The following MEIS1 variants were observed in gnomAD, a reference collection of about 807,000 sequenced individuals.
MEIS1 encodes homeobox protein Meis1.
In MEIS1, 5 loss-of-function variants were observed where a neutral mutation model predicts 50.8. The ratio of observed to expected loss-of-function variants is 0.10; its 90% CI spans 0.05 to 0.21. The LOEUF is 0.21. Ranked by LOEUF, MEIS1 falls within the 10% of genes least tolerant of loss-of-function variation. The probability of loss-of-function intolerance (pLI) is 1.00; values close to 1 mark genes in which losing one functional copy is unlikely to be tolerated. For synonymous variants in MEIS1, 176 were observed against 179.3 expected (o/e 0.98, Z 0.15); for missense variants, 318 against 517.3 (o/e 0.61, Z 3.74).
At chr2:66,440,676 T>A in intron 4 of MEIS1, 64 bp downstream of exon 4, 2 of 939,460 alleles carry the variant, frequency 2.1e-6, no homozygotes, top group Non-Finnish European at 2.9e-6. Context: ...TCCAACGCCC[T>A]CAGCTTTGCT....
intron 6 of MEIS1, among the ~76,000 whole-genome samples, chr2:66,455,974 G>A (rs553005597): frequency 1.3e-5 from 2 of 152,234 alleles, no homozygotes; most frequent in African/African-American, 4.8e-5. Flanking sequence ...GAAGCTTGAA[G>A]AATCACCTGG....
intron 8 of MEIS1, among the ~76,000 whole-genome samples, chr2:66,527,621 T>C (rs894660256): frequency 2.7e-5 from 4 of 149,970 alleles, no homozygotes; most frequent in African/African-American, 7.3e-5. Flanking sequence ...TGTGTGTGTG[T>C]GTGTGTGTGT....
intron 9 of MEIS1, among the ~76,000 whole-genome samples, chr2:66,557,648 G>A (rs1171562971): frequency 6.6e-6 from 1 of 152,164 alleles, no homozygotes; most frequent in Non-Finnish European, 1.5e-5. Flanking sequence ...ATGTTCCATT[G>A]TATGGATATA....
Position 66,561,707 on chromosome 2 carries a change from T to A in MEIS1, c.966-5746T>A, listed in dbSNP as rs1346576602. Among the ~76,000 whole-genome samples the A allele has an allele frequency of 6.6e-5, 10 of 152,238 alleles. 1 individual carries two copies. The highest frequency in any genetic ancestry group is 2.2e-4 in the African/African-American group (9 of 41,462). On this transcript the variant is annotated intron_variant, in intron 9 of 12. Transcript: ENST00000272369. ...ACAAAATCTTTTCTTAATAGTTGAT[T>A]AGCTTCTTAGGTACTTGCAGATGTT...
chr2:66,495,202 C>A (rs1395418298), intron 7 of MEIS1, among the ~76,000 whole-genome samples: 1 of 147,210 alleles, frequency 6.8e-6, no homozygotes, highest in Non-Finnish European at 1.5e-5. Flanking sequence ...AAACTAGTCA[C>A]ATTTCATACT....
At chr2:66,441,232 T>A (rs894067568) in intron 4 of MEIS1, among the ~76,000 whole-genome samples, 182 bp from the exon 5 acceptor site, 3 of 152,016 alleles carry the variant, frequency 2.0e-5, no homozygotes, top group Admixed American at 6.5e-5. Flanking sequence ...GTTTTTTTTT[T>A]CTTAAGAAAT....
At chr2:66,516,744 G>A (rs771070959) in intron 8 of MEIS1, among the ~76,000 whole-genome samples, 15 of 152,098 alleles carry the variant, frequency 9.9e-5, no homozygotes, top group Non-Finnish European at 2.9e-5. Flanking sequence ...AGTGCCCTGC[G>A]GGTCCGCCAC....
At chr2:66,491,616 TG>T (rs1465716598) in intron 7 of MEIS1, among the ~76,000 whole-genome samples, 1 of 152,144 alleles carries the variant, frequency 6.6e-6, no homozygotes, top group East Asian at 1.9e-4. Context: ...CTAAAACAAG[TG>T]GGTCTGTTTT....
At chr2:66,472,104 A>G (rs1229288093) in intron 7 of MEIS1, among the ~76,000 whole-genome samples, 5 of 152,158 alleles carry the variant, frequency 3.3e-5, no homozygotes. Context: ...ATAAGCAATA[A>G]CTTGTTTTTC....
intron 9 of MEIS1, among the ~76,000 whole-genome samples, chr2:66,558,265 G>C (rs1675119917): frequency 1.4e-5 from 1 of 71,760 alleles, no homozygotes; most frequent in Non-Finnish European, 2.5e-5. Context: ...GGCAACAAGA[G>C]TGAAACTCCA....
intron 8 of MEIS1, among the ~76,000 whole-genome samples, chr2:66,521,340 C>T (rs1674115017): frequency 6.7e-6 from 1 of 148,454 alleles, no homozygotes; most frequent in African/African-American, 2.5e-5. Context: ...CCTTCTAACA[C>T]AGAATTTAGC....
At chr2:66,474,373 G>A (rs1472915570) in intron 7 of MEIS1, among the ~76,000 whole-genome samples, 1 of 151,952 alleles carries the variant, frequency 6.6e-6, no homozygotes, top group Admixed American at 6.5e-5. Context: ...ACCCTGGGAG[G>A]ATGTTTTTAT....
rs139141574 is a variant in MEIS1 at position 66,441,585 on chromosome 2, G to A, written c.483+121G>A. On this transcript the variant is annotated intron_variant, in intron 5 of 12. Transcript: ENST00000272369. ...ATTTGCATAAATGTCTTTCTTTCTG[G>A]TAATTAGTGTCAAGGCCAATCTTAG... The A allele has an allele frequency of 2.0e-4, 157 of 797,760 alleles. No homozygotes were observed. In the East Asian group the frequency reaches 4.3e-3, roughly 22 times the overall value. 49.4% of individuals were successfully genotyped at this position (797,760 alleles called of 1,614,324 possible).
chr2:66,451,711 A>G lies in MEIS1; in HGVS notation c.630+8663A>G, dbSNP rs1261943270. ...AACTTAATTTCAAACTACATGATGT[A>G]TAATTTCTGAAATTCTAAAGGCATA... On this transcript the variant is annotated intron_variant, in intron 6 of 12. Coordinates refer to ENST00000272369, the MANE Select transcript of MEIS1 (RefSeq NM_002398.3). 2.6e-5 allele frequency among the ~76,000 whole-genome samples: 4 copies of G among 152,172 alleles called. No homozygotes were observed. In the East Asian group the frequency reaches 7.7e-4, roughly 29 times the overall value.
rs956738828 is a variant in MEIS1, at chr2:66,435,682, G to T, written c.-175G>T. On this transcript the variant is annotated 5_prime_UTR_variant, in exon 1 of 13. The change abolishes the stop of an existing upstream ORF in the 5' untranslated region. Coordinates refer to ENST00000272369, the MANE Select transcript of MEIS1 (RefSeq NM_002398.3). Reference sequence around the variant, plus strand: ...CGGGCGCTTTGCTTCAGGTCCCGTAGACCGAAGATCTGGGACCAGTAGCTC... The same window carrying T: ...CGGGCGCTTTGCTTCAGGTCCCGTATACCGAAGATCTGGGACCAGTAGCTC... The T allele has an allele frequency of 3.7e-6, 2 of 547,238 alleles. No individual in the cohort carries two copies. The highest frequency in any genetic ancestry group is 3.2e-5 in the South Asian group (1 of 30,820). The allele number at this position is 547,238 out of a possible 1,614,324, so 33.9% of individuals were successfully genotyped here. A position where few individuals can be genotyped will look rare whatever the true frequency, so the allele number is the denominator to read the frequency against.
intron 5 of MEIS1, chr2:66,441,734 A>G: frequency 2.3e-6 from 1 of 427,258 alleles, no homozygotes; most frequent in South Asian, 3.2e-5. Context: ...AATTCTGTGC[A>G]TCCCAGCTGA....
At chr2:66,497,846 A>G (rs930686050) in intron 7 of MEIS1, among the ~76,000 whole-genome samples, 2 of 152,228 alleles carry the variant, frequency 1.3e-5, no homozygotes, top group African/African-American at 4.8e-5. Context: ...TTGTACTAGT[A>G]AAAATTGCTT....
intron 9 of MEIS1, among the ~76,000 whole-genome samples, chr2:66,560,620 T>C (rs1241979536): frequency 6.6e-6 from 1 of 151,678 alleles, no homozygotes; most frequent in African/African-American, 2.4e-5. Flanking sequence ...AAGAAAATTG[T>C]ATATGTAATT....
chr2:66,510,044 A>C (rs2103849302), intron 7 of MEIS1, among the ~76,000 whole-genome samples: 1 of 152,266 alleles, frequency 6.6e-6, no homozygotes, highest in East Asian at 1.9e-4. Flanking sequence ...TAAGCTTTTC[A>C]TTTTTAATCA....
Sources: allele counts gnomAD v4.1 joint callset (sites outside exome capture counted in the v4.1 genomes callset), GRCh38; gene constraint gnomAD v4.1.1; transcripts MANE v1.5; gene names NCBI Gene and HGNC (gene_info 2026-07-23, HGNC 2026-07-21).